NHEJ1: variants seen among roughly 807,000 people sequenced by gnomAD.
The protein encoded by NHEJ1 is non-homologous end joining factor 1.
Under a neutral mutation model 39.4 loss-of-function variants are expected in NHEJ1, and 22 were observed. That is an observed-to-expected ratio of 0.56 (90% CI 0.40 to 0.80). NHEJ1 has a LOEUF of 0.80. Among genes scored for constraint, NHEJ1 ranks in the 30% least tolerant of loss-of-function variants. The probability of loss-of-function intolerance (pLI) is 0.00; values close to 1 mark genes in which losing one functional copy is unlikely to be tolerated. For synonymous variants in NHEJ1, 154 were observed against 135.6 expected, an observed-to-expected ratio of 1.14 and a Z score of -0.94; for missense variants, 329 against 357.1, an observed-to-expected ratio of 0.92 and a Z score of 0.63.
At chr2:219,096,101 A>G (rs1459135980) in intron 5 of NHEJ1, among the ~76,000 whole-genome samples, 1 of 152,238 alleles carries the variant, frequency 6.6e-6, no homozygotes, top group Admixed American at 6.5e-5. Flanking sequence ...CCTTCTTTCT[A>G]AATAATTCAA....
chr2:219,157,798 G>A, intron 2 of NHEJ1, 114 bp from the exon 3 acceptor site: 1 of 838,260 alleles, frequency 1.2e-6, no homozygotes, highest in South Asian at 1.5e-5. Context: ...TGAGAGGAAG[G>A]GGAGAGAAGA....
intron 1 of NHEJ1, among the ~76,000 whole-genome samples, chr2:219,160,300 CT>C (rs914728798): frequency 6.6e-6 from 1 of 152,224 alleles, no homozygotes; most frequent in Admixed American, 6.5e-5. Context: ...CCCGGTCCCC[CT>C]GGGACAGCGC....
chr2:219,103,337 G>A (rs546219107), intron 5 of NHEJ1, among the ~76,000 whole-genome samples: 8 of 151,474 alleles, frequency 5.3e-5, no homozygotes, highest in Non-Finnish European at 8.8e-5. Context: ...ATGCAGTGGC[G>A]CCATGTAGGC....
intron 5 of NHEJ1, among the ~76,000 whole-genome samples, chr2:219,142,637 T>G (rs772181575): frequency 1.3e-5 from 2 of 152,256 alleles, no homozygotes; most frequent in Non-Finnish European, 2.9e-5. Flanking sequence ...TCCAGTGGAC[T>G]AGACTGAGAG....
chr2:219,095,364 T>G (rs1041754481), intron 5 of NHEJ1: 3 of 470,762 alleles, frequency 6.4e-6, no homozygotes, highest in African/African-American at 6.0e-5. Context: ...AACTGAGAGA[T>G]GATAAATTAT....
At chr2:219,147,828 A>T (rs1248791690) in intron 3 of NHEJ1, 33 bp from the exon 4 acceptor site, 1 of 1,612,022 alleles carries the variant, frequency 6.2e-7, no homozygotes, top group Non-Finnish European at 8.5e-7. Flanking sequence ...TAGCCAAAAG[A>T]CTCTTATAAA....
chr2:219,138,810 G>A (rs529420026), intron 5 of NHEJ1, among the ~76,000 whole-genome samples: 3 of 152,270 alleles, frequency 2.0e-5, no homozygotes, highest in Non-Finnish European at 4.4e-5. Flanking sequence ...GAGTAGTCAG[G>A]GTAAACTCTA....
At chr2:219,135,328 C>T (rs1021680919) in intron 5 of NHEJ1, among the ~76,000 whole-genome samples, 102 of 152,126 alleles carry the variant, frequency 6.7e-4, no homozygotes, top group African/African-American at 2.4e-3. Context: ...ACATCAAGGC[C>T]GGGCACAGTG....
At chr2:219,141,153 G>T (rs1414949683) in intron 5 of NHEJ1, among the ~76,000 whole-genome samples, 1 of 152,206 alleles carries the variant, frequency 6.6e-6, no homozygotes, top group African/African-American at 2.4e-5. Flanking sequence ...GCCAAGGCAG[G>T]TGGATCACCT....
chr2:219,136,708 T>C (rs1949633455), intron 5 of NHEJ1, among the ~76,000 whole-genome samples: 1 of 152,102 alleles, frequency 6.6e-6, no homozygotes, highest in Non-Finnish European at 1.5e-5. Flanking sequence ...ATTCAAGCGA[T>C]TCTCCTGCTT....
intron 5 of NHEJ1, among the ~76,000 whole-genome samples, chr2:219,137,442 G>C (rs967931244): frequency 1.3e-5 from 2 of 151,888 alleles, no homozygotes; most frequent in African/African-American, 4.8e-5. Context: ...ATCTGCAACA[G>C]TAATTAATAA....
intron 5 of NHEJ1, among the ~76,000 whole-genome samples, chr2:219,138,001 G>C (rs1338404845): frequency 6.6e-6 from 1 of 152,072 alleles, no homozygotes; most frequent in Non-Finnish European, 1.5e-5. Context: ...TTCTAGGTCG[G>C]AGAACTGACA....
chr2:219,122,644 C>T (rs531746301), intron 5 of NHEJ1, among the ~76,000 whole-genome samples: 3 of 152,284 alleles, frequency 2.0e-5, no homozygotes, highest in Admixed American at 6.5e-5. Flanking sequence ...GACATTTACT[C>T]TTAAGATTTG....
intron 5 of NHEJ1, among the ~76,000 whole-genome samples, chr2:219,140,381 T>C (rs541712382): frequency 5.9e-5 from 9 of 152,338 alleles, no homozygotes; most frequent in East Asian, 1.9e-4. Flanking sequence ...CTTAATAAGA[T>C]AGCTTTGTTG....
chr2:219,139,017 G>A (rs1949664721), intron 5 of NHEJ1, among the ~76,000 whole-genome samples: 1 of 152,122 alleles, frequency 6.6e-6, no homozygotes, highest in Non-Finnish European at 1.5e-5. Flanking sequence ...GTGATAGAAT[G>A]TAACTTCTGA....
chr2:219,113,180 T>C (rs2106340489), intron 5 of NHEJ1, among the ~76,000 whole-genome samples: 1 of 152,306 alleles, frequency 6.6e-6, no homozygotes, highest in South Asian at 2.1e-4. Flanking sequence ...TACCTTAATA[T>C]ATTACAGTTT....
At chr2:219,115,911 A>T (rs1412500976) in intron 5 of NHEJ1, among the ~76,000 whole-genome samples, 1 of 152,132 alleles carries the variant, frequency 6.6e-6, no homozygotes, top group African/African-American at 2.4e-5. Flanking sequence ...CACGAGGTCA[A>T]GAGATCGAGA....
chr2:219,090,410 G>C (rs1220238618), intron 5 of NHEJ1, among the ~76,000 whole-genome samples: 1 of 152,182 alleles, frequency 6.6e-6, no homozygotes, highest in African/African-American at 2.4e-5. Flanking sequence ...TCCCTATAGT[G>C]CCTGGCACAT....
At chr2:219,117,617 T>G (rs1363168951) in intron 5 of NHEJ1, among the ~76,000 whole-genome samples, 1 of 152,258 alleles carries the variant, frequency 6.6e-6, no homozygotes, top group African/African-American at 2.4e-5. Flanking sequence ...TAAACATTTT[T>G]CAAACCACGA....
Sources: gnomAD v4.1 joint callset for allele counts (sites outside exome capture counted in the v4.1 genomes callset) on GRCh38, gnomAD v4.1.1 for gene constraint, MANE v1.5 for transcripts, NCBI Gene and HGNC (gene_info 2026-07-23, HGNC 2026-07-21) for gene names.